ARHGAP44: variants seen among roughly 807,000 people sequenced by gnomAD.
ARHGAP44 encodes rho GTPase-activating protein 44.
A neutral mutation model predicts 106.8 loss-of-function variants in ARHGAP44; 43 were observed. The observed-to-expected ratio is 0.40, with a 90% CI of 0.32 to 0.52. The LOEUF (loss-of-function observed/expected upper bound fraction) is 0.52, where lower values mean the gene tolerates loss of function less well. Among genes scored for constraint, ARHGAP44 ranks in the 20% least tolerant of loss-of-function variants. The pLI is 0.48. For synonymous variants in ARHGAP44, 439 were observed against 410.3 expected (o/e 1.07, Z -0.85); for missense variants, 866 against 1,050.5 (o/e 0.82, Z 2.43).
chr17:12,846,830 G>T (rs1176759685), intron 1 of ARHGAP44, among the ~76,000 whole-genome samples: 1 of 152,224 alleles, frequency 6.6e-6, no homozygotes, highest in African/African-American at 2.4e-5. Context: ...CCTTTAGGCA[G>T]TTGAATTTCA....
At chr17:12,885,815 A>G (rs777466325) in intron 1 of ARHGAP44, among the ~76,000 whole-genome samples, 1 of 152,014 alleles carries the variant, frequency 6.6e-6, no homozygotes, top group African/African-American at 2.4e-5. Context: ...TTATCTTTTC[A>G]TCTTTTAACA....
At chr17:12,903,119 AGAGAGAG>A (rs1203079531) in intron 3 of ARHGAP44, among the ~76,000 whole-genome samples, 3,093 of 79,504 alleles carry the variant, frequency 0.039, 23 homozygotes, top group East Asian at 0.11. Context: ...AGAGAGAGAG[AGAGAGAG>A]GAGAGAGAGA....
At chr17:12,845,136 T>A (rs1482988848) in intron 1 of ARHGAP44, among the ~76,000 whole-genome samples, 1 of 152,184 alleles carries the variant, frequency 6.6e-6, no homozygotes, top group Non-Finnish European at 1.5e-5. Flanking sequence ...TTCTCTGAGT[T>A]ACTCTATCCT....
intron 1 of ARHGAP44, among the ~76,000 whole-genome samples, chr17:12,812,125 A>G (rs2034457722): frequency 6.6e-6 from 1 of 152,214 alleles, no homozygotes; most frequent in Admixed American, 6.5e-5. Context: ...TGAGGCAAAC[A>G]AACATGAGTA....
At chr17:12,905,799 A>G (rs557037308) in intron 3 of ARHGAP44, among the ~76,000 whole-genome samples, 1 of 152,332 alleles carries the variant, frequency 6.6e-6, no homozygotes, top group East Asian at 1.9e-4. Context: ...TGGGACTGTG[A>G]ATGTTTATCA....
intron 1 of ARHGAP44, among the ~76,000 whole-genome samples, chr17:12,811,493 G>A (rs2034440580): frequency 6.6e-6 from 1 of 152,134 alleles, no homozygotes; most frequent in East Asian, 1.9e-4. Flanking sequence ...TGTGGAGGTG[G>A]AAGAGGAGGC....
intron 16 of ARHGAP44, among the ~76,000 whole-genome samples, chr17:12,967,696 A>G (rs543284314): frequency 1.3e-5 from 2 of 152,156 alleles, no homozygotes; most frequent in East Asian, 1.9e-4. Context: ...TCACCAACAC[A>G]TCACTTCATT....
At chr17:12,882,368 T>C (rs940367678) in intron 1 of ARHGAP44, among the ~76,000 whole-genome samples, 2 of 152,244 alleles carry the variant, frequency 1.3e-5, no homozygotes, top group East Asian at 3.9e-4. Context: ...GTAGATTACT[T>C]TGGATTATCT....
At chr17:12,943,811 A>C in intron 9 of ARHGAP44, 142 bp downstream of exon 9, 1 of 1,031,858 alleles carries the variant, frequency 9.7e-7, no homozygotes, top group Non-Finnish European at 1.4e-6. Context: ...ACTTACTTCC[A>C]AACTGGTGCC....
chr17:12,798,017 G>A (rs770159886), intron 1 of ARHGAP44, among the ~76,000 whole-genome samples: 1 of 152,020 alleles, frequency 6.6e-6, no homozygotes, highest in East Asian at 1.9e-4. Context: ...CTGGAATGTA[G>A]CGAAGTTGTT....
chr17:12,794,469 G>A (rs996054345), intron 1 of ARHGAP44, among the ~76,000 whole-genome samples: 12 of 152,138 alleles, frequency 7.9e-5, no homozygotes, highest in Middle Eastern at 3.2e-3. Context: ...AGTAGAAAAG[G>A]ATTCTTAGAA....
chr17:12,867,224 T>C (rs565100851), intron 1 of ARHGAP44, among the ~76,000 whole-genome samples: 219 of 151,898 alleles, frequency 1.4e-3, no homozygotes, highest in Non-Finnish European at 2.2e-3. Context: ...TGGGGAAGGA[T>C]ACCAAAAGAG....
intron 1 of ARHGAP44, among the ~76,000 whole-genome samples, chr17:12,794,343 G>T (rs2033855338): frequency 6.6e-6 from 1 of 152,088 alleles, no homozygotes; most frequent in Admixed American, 6.5e-5. Context: ...CATCCTCAGA[G>T]GGCTGTCATG....
chr17:12,841,642 A>G (rs1163253225), intron 1 of ARHGAP44, among the ~76,000 whole-genome samples: 1 of 147,894 alleles, frequency 6.8e-6, no homozygotes, highest in Admixed American at 6.7e-5. Flanking sequence ...ACACACACAA[A>G]CAAACAAACA....
Position 12,990,107 on chromosome 17 carries a change from T to C in ARHGAP44, c.2393T>C (p.Met798Thr). The C allele has an allele frequency of 6.2e-7, 1 of 1,613,420 alleles. No homozygotes were observed. The highest frequency in any genetic ancestry group is 8.5e-7 in the Non-Finnish European group (1 of 1,179,712). Residue 798 changes from methionine to threonine, a missense_variant, in exon 21 of 21, where the codon ATG becomes ACG. Met to Thr is a moderately conservative substitution (Grantham distance 81). Transcript: ENST00000379672. ...STLRLSPLEHMRRHSVTDKRD... is the reference protein window; with the variant it reads ...STLRLSPLEHTRRHSVTDKRD... ...CTCCGCCTGAGTCCCCTGGAGCACA[T>C]GCGGCGACACTCAGTAACTGACAAG...
intron 16 of ARHGAP44, among the ~76,000 whole-genome samples, chr17:12,963,724 G>A (rs1002589393): frequency 2.0e-5 from 3 of 152,170 alleles, no homozygotes; most frequent in Admixed American, 6.5e-5. Flanking sequence ...CAGACAGGCC[G>A]GCCTTGCGAA....
intron 1 of ARHGAP44, among the ~76,000 whole-genome samples, chr17:12,870,993 C>T (rs746089089): frequency 6.6e-6 from 1 of 151,926 alleles, no homozygotes; most frequent in Non-Finnish European, 1.5e-5. Flanking sequence ...TTCTTTCCCG[C>T]CTTTCTTCCT....
intron 1 of ARHGAP44, among the ~76,000 whole-genome samples, chr17:12,877,019 AT>A (rs2036578689): frequency 6.6e-6 from 1 of 152,128 alleles, no homozygotes; most frequent in African/African-American, 2.4e-5. Context: ...GTTGCTGAAA[AT>A]ATTTGTGATA....
At position 12,955,808 on chromosome 17, in the gene ARHGAP44, C is replaced by G. The variant is rs75458643; in HGVS notation, c.1137-59C>G. 1.1e-4 allele frequency: 111 copies of G among 1,043,772 alleles called. 2 individuals carry two copies. The East Asian group carries it at 2.0e-3, about 19-fold the overall frequency. 64.7% of individuals were successfully genotyped at this position (1,043,772 alleles called of 1,614,324 possible). On this transcript the variant is annotated intron_variant, in intron 13 of 20. Coordinates refer to ENST00000379672, the MANE Select transcript of ARHGAP44 (RefSeq NM_014859.6). ...ATGAGAGAAGCTTCTGTCCAGTCCC[C>G]GGGGGACATGGCTGGTGTTGAGCCT...
Sources: allele counts gnomAD v4.1 joint callset (sites outside exome capture counted in the v4.1 genomes callset), GRCh38; gene constraint gnomAD v4.1.1; transcripts MANE v1.5; gene names NCBI Gene and HGNC (gene_info 2026-07-23, HGNC 2026-07-21).